The following TMPRSS4 variants were observed in gnomAD, a reference collection of about 807,000 sequenced individuals.
TMPRSS4 encodes the protein transmembrane protease serine 4.
Under a neutral mutation model 56.4 loss-of-function variants are expected in TMPRSS4, and 45 were observed. That is an observed-to-expected ratio of 0.80 (90% CI 0.63 to 1.02). The LOEUF (loss-of-function observed/expected upper bound fraction) is 1.02, where lower values mean the gene tolerates loss of function less well. TMPRSS4 is among the 50% of genes least tolerant of loss of function. TMPRSS4 has a pLI of 0.00. For synonymous variants in TMPRSS4, 205 were observed against 211.0 expected, an observed-to-expected ratio of 0.97 and a Z score of 0.25; for missense variants, 546 against 556.7, an observed-to-expected ratio of 0.98 and a Z score of 0.19.
chr11:118,099,481 A>AAGAAAGAAAGAAAG (rs141362371), intron 3 of TMPRSS4, among the ~76,000 whole-genome samples: 24,178 of 141,692 alleles, frequency 0.17, 2,674 homozygotes, highest in South Asian at 0.2. Context: ...GAAAGAAAGA[A>AAGAAAGAAAGAAAG]AAAGAAAGAA....
rs11216752 is a variant in TMPRSS4 at position 118,103,600 on chromosome 11, T to C, written c.310+347T>C. 8.5e-3 allele frequency among the ~76,000 whole-genome samples: 1,298 copies of C among 152,328 alleles called. 45 individuals carry two copies. In the East Asian group the frequency reaches 0.13, roughly 15 times the overall value. On this transcript the variant is annotated intron_variant, in intron 4 of 12. Coordinates refer to ENST00000437212, the MANE Select transcript of TMPRSS4 (RefSeq NM_019894.4). ...TTTTGCCACATTGGTCAGGCTGATC[T>C]TGAACTCCTGACCTCAGGTGATCTG...
chr11:118,107,703 G>A, intron 5 of TMPRSS4, 71 bp from the exon 6 acceptor site: 2 of 1,332,020 alleles, frequency 1.5e-6, no homozygotes, highest in Middle Eastern at 1.9e-4. Flanking sequence ...TGAAAGTGGG[G>A]GCCAACTCTA....
intron 3 of TMPRSS4, among the ~76,000 whole-genome samples, chr11:118,100,862 T>C (rs958536594): frequency 2.0e-5 from 3 of 152,194 alleles, no homozygotes; most frequent in Non-Finnish European, 4.4e-5. Context: ...TTCCATATCC[T>C]GGGCCCCCAG....
intron 5 of TMPRSS4, chr11:118,106,148 GGC>G (rs1946979283): frequency 1.3e-5 from 2 of 152,168 alleles, no homozygotes; most frequent in African/African-American, 2.4e-5. Flanking sequence ...AGCCGTTCCT[GGC>G]ACAGCAGGCT....
chr11:118,102,063 A>T (rs1946746429), intron 3 of TMPRSS4, among the ~76,000 whole-genome samples: 1 of 151,952 alleles, frequency 6.6e-6, no homozygotes, highest in Non-Finnish European at 1.5e-5. Flanking sequence ...TACGTAGGTA[A>T]GCGTGTGCCA....
In TMPRSS4 at chr11:118,117,581, A is replaced by C; in HGVS notation, c.1302+127A>C. 3 of 1,494,248 alleles carry C rather than the reference A, an allele frequency of 2.0e-6. 1 individual carries two copies. The highest frequency in any genetic ancestry group is 2.7e-5 in the South Asian group (2 of 73,298). The allele number at this position is 1,494,248 out of a possible 1,614,324, so 92.6% of individuals were successfully genotyped here. On this transcript the variant is annotated intron_variant, in intron 12 of 12. Transcript: ENST00000437212. ...TTACATCCCAAATAACTTTCCCTCC[A>C]AGCAAGGGACAGCCTGAGATTGCAC...
chr11:118,094,830 C>G lies in TMPRSS4; in HGVS notation c.18C>G (p.Asp6Glu), dbSNP rs770576090. The stretch of plus-strand genomic sequence containing the variant: ...TTTTCCTTCAATTACAGGATCCTGA[C>G]AGTGATCAACCTCTGAACAGCCTCG... MLQDP[D>E]SDQPLNSLDV... Residue 6 changes from aspartate to glutamate, a missense_variant, in exon 2 of 13, where the codon GAC (aspartate) becomes GAG (glutamate). Coordinates refer to ENST00000437212, the MANE Select transcript of TMPRSS4 (RefSeq NM_019894.4). The G allele has an allele frequency of 1.2e-6, 2 of 1,612,174 alleles. No homozygotes were observed. Among genetic ancestry groups the G allele is most frequent in the African/African-American group, 1.3e-5 (1 of 74,914 alleles).
chr11:118,089,242 CCTGT>C (rs1257184165), intron 1 of TMPRSS4, among the ~76,000 whole-genome samples: 1 of 152,158 alleles, frequency 6.6e-6, no homozygotes, highest in Admixed American at 6.5e-5. Context: ...TCAGCTCTGA[CCTGT>C]CTGTGTCACA....
chr11:118,116,530 G>T (rs1284911957), intron 11 of TMPRSS4, among the ~76,000 whole-genome samples: 1 of 152,092 alleles, frequency 6.6e-6, no homozygotes, highest in Non-Finnish European at 1.5e-5. Flanking sequence ...GCATTTTCTT[G>T]TTTTGTTATT....
At position 118,118,038 on chromosome 11, in the gene TMPRSS4, T is replaced by C; in HGVS notation, c.*125T>C. On this transcript the variant is annotated 3_prime_UTR_variant, in exon 13 of 13. Coordinates refer to ENST00000437212, the MANE Select transcript of TMPRSS4 (RefSeq NM_019894.4). ...CACCCCTCTGCCCACAGCCTCAGCATTTCTTGGAGCAGCAAAGGGCCTCAA... is the reference window on the plus strand; with the variant it reads ...CACCCCTCTGCCCACAGCCTCAGCACTTCTTGGAGCAGCAAAGGGCCTCAA... The C allele has an allele frequency of 6.4e-7, 1 of 1,567,062 alleles. No homozygotes were observed.
At chr11:118,077,434 C>A (rs754884131) in intron 1 of TMPRSS4, 129 bp downstream of exon 1, 142 of 1,142,770 alleles carry the variant, frequency 1.2e-4, no homozygotes, top group Admixed American at 1.2e-3. Context: ...AAAGAGGCCA[C>A]ACCCAAATCC....
chr11:118,112,394 T>C (rs1947321485), intron 8 of TMPRSS4, among the ~76,000 whole-genome samples: 1 of 132,218 alleles, frequency 7.6e-6, no homozygotes, highest in African/African-American at 2.9e-5. Flanking sequence ...TTTTTTTTTT[T>C]TTTTTTTTTT....
intron 7 of TMPRSS4, among the ~76,000 whole-genome samples, chr11:118,111,181 G>C (rs1029455600): frequency 6.6e-6 from 1 of 152,216 alleles, no homozygotes; most frequent in Non-Finnish European, 1.5e-5. Context: ...GGGTGGAGAG[G>C]GGGGACCTGA....
chr11:118,097,804 C>G (rs1196066538), intron 2 of TMPRSS4, among the ~76,000 whole-genome samples: 5 of 152,124 alleles, frequency 3.3e-5, no homozygotes, highest in African/African-American at 4.8e-5. Context: ...GAGTCTTGCT[C>G]TTGTCGCCCA....
Position 118,086,475 on chromosome 11 carries a change from T to C in TMPRSS4, c.4-8341T>C, listed in dbSNP as rs1007989742. ...AAAGGAAAAAGTGCTGCTCTAATAA[T>C]GACTCAACGCAAGGCAGTGTTTGTG... On this transcript the variant is annotated intron_variant, in intron 1 of 12. Transcript: ENST00000437212. 4.6e-5 allele frequency among the ~76,000 whole-genome samples: 7 copies of C among 152,384 alleles called. No individual in the cohort carries two copies. The East Asian group carries it at 1.3e-3, about 29-fold the overall frequency.
At chr11:118,099,666 G>A (rs1478154227) in intron 3 of TMPRSS4, among the ~76,000 whole-genome samples, 1 of 152,056 alleles carries the variant, frequency 6.6e-6, no homozygotes, top group African/African-American at 2.4e-5. Flanking sequence ...TTGCAGGGCT[G>A]CCACGCCCCC....
At chr11:118,087,063 G>C (rs1199769984) in intron 1 of TMPRSS4, among the ~76,000 whole-genome samples, 1 of 151,384 alleles carries the variant, frequency 6.6e-6, no homozygotes, top group Non-Finnish European at 1.5e-5. Flanking sequence ...ACCTGCCCAA[G>C]CCTCAAAGGA....
Position 118,115,242 on chromosome 11 carries a change from T to G in TMPRSS4, c.1114T>G (p.Cys372Gly), listed in dbSNP as rs1192200326. ...YQGEVTEKMM[C>G]AGIPEGGVDT... The stretch of plus-strand genomic sequence containing the variant: ...GGGGGAAGTCACCGAGAAGATGATG[T>G]GTGCAGGCATCCCGGAAGGGGGTGT... Residue 372 changes from cysteine to glycine, a missense_variant, in exon 11 of 13, where the codon TGT becomes GGT. By Grantham distance (159) the Cys-to-Gly change is radical (BLOSUM62 -3). Transcript: ENST00000437212. 6.2e-7 allele frequency: 1 copy of G among 1,612,032 alleles called. No homozygotes were observed. The highest frequency in any genetic ancestry group is 8.5e-7 in the Non-Finnish European group (1 of 1,179,710).
At chr11:118,086,354 G>C (rs1945554987) in intron 1 of TMPRSS4, among the ~76,000 whole-genome samples, 1 of 152,252 alleles carries the variant, frequency 6.6e-6, no homozygotes, top group East Asian at 1.9e-4. Flanking sequence ...TGGGGGATGA[G>C]GTGCTCGGCT....
Sources: allele counts gnomAD v4.1 joint callset (sites outside exome capture counted in the v4.1 genomes callset), GRCh38; gene constraint gnomAD v4.1.1; transcripts MANE v1.5; gene names NCBI Gene and HGNC (gene_info 2026-07-23, HGNC 2026-07-21).